LRFN2: variants seen among roughly 807,000 people sequenced by gnomAD.
LRFN2 encodes leucine rich repeat and fibronectin type III domain containing 2.
A neutral mutation model predicts 37.3 loss-of-function variants in LRFN2; 18 were observed. That is an observed-to-expected ratio of 0.48 (90% CI 0.33 to 0.72). The LOEUF is 0.72. Among genes scored for constraint, LRFN2 ranks in the 30% least tolerant of loss-of-function variants. The pLI, the probability that LRFN2 is intolerant of heterozygous loss-of-function variation, is 0.02. For missense variants in LRFN2, 1,006 were observed against 1,060.7 expected (o/e 0.95, Z 0.72); for synonymous variants, 556 against 466.6 (o/e 1.19, Z -2.47).
chr6:40,476,096 C>T (rs1764704171), intron 1 of LRFN2, among the ~76,000 whole-genome samples: 1 of 152,204 alleles, frequency 6.6e-6, no homozygotes. Flanking sequence ...TCCTACTGGG[C>T]TCCAGCCTGG....
chr6:40,534,822 C>T (rs533700837), intron 1 of LRFN2, among the ~76,000 whole-genome samples: 1 of 152,296 alleles, frequency 6.6e-6, no homozygotes, highest in African/African-American at 2.4e-5. Context: ...AAGACCAAGA[C>T]AGATACCACT....
At chr6:40,584,637 G>A (rs1767468111) in intron 1 of LRFN2, among the ~76,000 whole-genome samples, 1 of 152,082 alleles carries the variant, frequency 6.6e-6, no homozygotes, top group Admixed American at 6.5e-5. Flanking sequence ...TAGGAAAGGG[G>A]AGTTTCTGAA....
chr6:40,581,524 C>T (rs1767402639), intron 1 of LRFN2, among the ~76,000 whole-genome samples: 1 of 152,210 alleles, frequency 6.6e-6, no homozygotes, highest in African/African-American at 2.4e-5. Flanking sequence ...TCCATGACCC[C>T]AGATCCCCAT....
chr6:40,503,777 C>G (rs1765452579), intron 1 of LRFN2, among the ~76,000 whole-genome samples: 2 of 152,080 alleles, frequency 1.3e-5, no homozygotes, highest in Admixed American at 6.5e-5. Flanking sequence ...GCAGGTGCTC[C>G]TGGAAGGACG....
intron 1 of LRFN2, among the ~76,000 whole-genome samples, chr6:40,442,938 A>G (rs1186508508): frequency 6.6e-5 from 10 of 152,192 alleles, no homozygotes. Context: ...GCCTGCAGTT[A>G]TCACCCTGCC....
intron 1 of LRFN2, among the ~76,000 whole-genome samples, chr6:40,544,400 AC>A (rs1447388830): frequency 6.6e-6 from 1 of 151,716 alleles, no homozygotes; most frequent in Non-Finnish European, 1.5e-5. Context: ...TTGTTTCCCA[AC>A]CCCTCTTCTA....
chr6:40,560,070 CT>C (rs748478119), intron 1 of LRFN2, among the ~76,000 whole-genome samples: 19 of 152,248 alleles, frequency 1.2e-4, no homozygotes, highest in Non-Finnish European at 5.9e-5. Context: ...GGGTGGAGCA[CT>C]TTGAGGAAGC....
At chr6:40,582,819 G>C (rs915111880) in intron 1 of LRFN2, among the ~76,000 whole-genome samples, 2 of 151,940 alleles carry the variant, frequency 1.3e-5, no homozygotes, top group African/African-American at 4.8e-5. Flanking sequence ...GAGCGGCCCA[G>C]AACATAGCTA....
At chr6:40,414,653 A>G (rs1763055445) in intron 2 of LRFN2, among the ~76,000 whole-genome samples, 1 of 152,254 alleles carries the variant, frequency 6.6e-6, no homozygotes, top group South Asian at 2.1e-4. Flanking sequence ...TTGAAACATT[A>G]AAACATATAA....
intron 1 of LRFN2, among the ~76,000 whole-genome samples, chr6:40,515,199 G>C (rs1055873657): frequency 1.3e-5 from 2 of 152,198 alleles, no homozygotes; most frequent in African/African-American, 2.4e-5. Flanking sequence ...CTGAGTAAAG[G>C]GGGGAAGGGG....
At chr6:40,406,085 C>T (rs530951773) in intron 2 of LRFN2, among the ~76,000 whole-genome samples, 28 of 152,234 alleles carry the variant, frequency 1.8e-4, no homozygotes, top group Admixed American at 1.8e-3. Flanking sequence ...GGAATCCAGG[C>T]ACTGGCACTG....
intron 2 of LRFN2, among the ~76,000 whole-genome samples, chr6:40,413,479 T>G (rs1763018092): frequency 6.6e-6 from 1 of 152,172 alleles, no homozygotes. Context: ...GCATTAAATC[T>G]CGCTCTTCCC....
intron 1 of LRFN2, among the ~76,000 whole-genome samples, chr6:40,551,323 G>A (rs1766774543): frequency 6.6e-6 from 1 of 152,136 alleles, no homozygotes; most frequent in Admixed American, 6.5e-5. Context: ...AAGAAAGCAG[G>A]GTATATAGAC....
intron 2 of LRFN2, among the ~76,000 whole-genome samples, chr6:40,425,602 T>C (rs1482336525): frequency 2.0e-5 from 3 of 152,194 alleles, no homozygotes; most frequent in Admixed American, 2.0e-4. Flanking sequence ...TTTGTTGCTG[T>C]CACCATTAGT....
At chr6:40,499,390 T>A (rs1024425330) in intron 1 of LRFN2, among the ~76,000 whole-genome samples, 9 of 139,176 alleles carry the variant, frequency 6.5e-5, no homozygotes, top group African/African-American at 2.2e-4. Context: ...TTCCAGACAT[T>A]TTTTTTTTTA....
At chr6:40,403,803 T>C (rs1374253722) in intron 2 of LRFN2, among the ~76,000 whole-genome samples, 1 of 152,160 alleles carries the variant, frequency 6.6e-6, no homozygotes, top group African/African-American at 2.4e-5. Flanking sequence ...CTTTCTCTGC[T>C]CAACCCTGCT....
At chr6:40,395,442 T>C (rs1358453284) in intron 2 of LRFN2, among the ~76,000 whole-genome samples, 2 of 152,192 alleles carry the variant, frequency 1.3e-5, no homozygotes, top group Non-Finnish European at 2.9e-5. Flanking sequence ...CTGCTGTGAC[T>C]CACGCTCCTC....
chr6:40,485,201 A>G (rs1764925537), intron 1 of LRFN2, among the ~76,000 whole-genome samples: 1 of 152,206 alleles, frequency 6.6e-6, no homozygotes, highest in Admixed American at 6.5e-5. Flanking sequence ...ACATAGAAGG[A>G]TGGACAAGAT....
chr6:40,392,407 C>T lies in LRFN2; in HGVS notation c.1906G>A (p.Gly636Arg). 1 of 1,571,992 alleles carries T rather than the reference C, an allele frequency of 6.4e-7. No homozygotes were observed. The highest frequency in any genetic ancestry group is 8.6e-7 in the Non-Finnish European group (1 of 1,158,838). The change falls in exon 3 of 3, where the codon GGA (glycine) becomes AGA (arginine). Residue 636 changes from glycine to arginine, a missense_variant. Gly to Arg is a moderately radical substitution (Grantham distance 125). Coordinates refer to ENST00000338305, the MANE Select transcript of LRFN2 (RefSeq NM_020737.3). This position sits in a 1 kb window ranked among gnomAD's most constrained non-coding sequence, Gnocchi z 4.7. ...SLGSGEAAGL[G>R]RAPWRIPPSA... ...GGTGGGATCCTCCAGGGGGCCCGTCCCAGCCCCGCAGCCTCCCCACTGCCC... is the reference window on the plus strand; with the variant it reads ...GGTGGGATCCTCCAGGGGGCCCGTCTCAGCCCCGCAGCCTCCCCACTGCCC...
Sources: gnomAD v4.1 joint callset for allele counts (sites outside exome capture counted in the v4.1 genomes callset) on GRCh38, gnomAD v4.1.1 for gene constraint, Gnocchi (gnomAD v3.1) non-coding constraint, MANE v1.5 for transcripts, NCBI Gene and HGNC (gene_info 2026-07-23, HGNC 2026-07-21) for gene names.